The following GPATCH11 variants were observed in gnomAD, a reference collection of about 807,000 sequenced individuals.
GPATCH11 encodes the protein G-patch domain containing 11, also known as G patch domain-containing protein 11.
A neutral mutation model predicts 44.8 loss-of-function variants in GPATCH11; 32 were observed. The ratio of observed to expected loss-of-function variants is 0.71; its 90% CI spans 0.54 to 0.96. The LOEUF (loss-of-function observed/expected upper bound fraction) is 0.96. GPATCH11 is among the 40% of genes least tolerant of loss of function. The pLI, the probability that GPATCH11 is intolerant of heterozygous loss-of-function variation, is 0.00. For missense variants in GPATCH11, 324 were observed against 303.1 expected (o/e 1.07, Z -0.51); for synonymous variants, 84 against 94.4 (o/e 0.89, Z 0.64).
chr2:37,092,256 G>C lies in GPATCH11; in HGVS notation c.540+1G>C, dbSNP rs1673365136. On this transcript the variant is annotated splice_donor_variant, in intron 6 of 8. Transcript: ENST00000674370. LOFTEE classifies it high-confidence loss of function. ...CTGTCAACAACTGGATGTCCAGAAA[G>C]TAAGCCTTTTACCAGCTTTCAGTTT... The C allele has an allele frequency of 6.9e-7, 1 of 1,449,460 alleles. No homozygotes were observed. Among genetic ancestry groups the C allele is most frequent in the East Asian group, 2.5e-5 (1 of 39,312 alleles). 89.8% of individuals were successfully genotyped at this position (1,449,460 alleles called of 1,614,324 possible). A position where few individuals can be genotyped will look rare whatever the true frequency, so the allele number is the denominator to read the frequency against.
At chr2:37,088,273 G>A (rs1673139219) in intron 1 of GPATCH11, 96 bp from the exon 2 acceptor site, 1 of 521,894 alleles carries the variant, frequency 1.9e-6, no homozygotes, top group African/African-American at 1.9e-5. Context: ...TGAATATATA[G>A]TAGAGCTCTA....
In GPATCH11 at chr2:37,094,112, T is replaced by C; in HGVS notation, c.571T>C (p.Trp191Arg). 6.3e-7 allele frequency: 1 copy of C among 1,599,258 alleles called. No individual in the cohort carries two copies. The highest frequency in any genetic ancestry group is 8.5e-7 in the Non-Finnish European group (1 of 1,172,378). ...TCAGGTTCCCAGGGAAGCATGGTAC[T>C]GGTTGAGGCTTGAAGAGGAGACTGA... is the stretch of plus-strand genomic sequence containing the variant. Reference protein sequence around the residue: ...NIQVPREAWYWLRLEEETEED... With the variant: ...NIQVPREAWYRLRLEEETEED... Residue 191 changes from tryptophan (W) to arginine (R), a missense_variant, in exon 7 of 9, where the codon TGG becomes CGG. By Grantham distance (101) the Trp-to-Arg change is moderately radical (BLOSUM62 -3). Transcript: ENST00000674370.
Position 37,097,996 on chromosome 2 carries a change from ATTGT to A in GPATCH11, c.*1736_*1739del, listed in dbSNP as rs939538094. ...TATAATATTTATATGTTTGGATGCT[ATTGT>A]TTAATATTTACTTTTTTGTTTTTAA... On this transcript the variant is annotated 3_prime_UTR_variant, in exon 9 of 9. Transcript: ENST00000674370. 12 of 152,136 alleles carry A rather than the reference ATTGT, an allele frequency of 7.9e-5. No homozygotes were observed. Among genetic ancestry groups the A allele is most frequent in the South Asian group, 6.2e-4 (3 of 4,830 alleles). The allele number at this position is 152,136 out of a possible 1,614,324, so 9.4% of individuals were successfully genotyped here.
chr2:37,096,074 G>T, intron 8 of GPATCH11, 134 bp from the exon 9 acceptor site: 1 of 619,554 alleles, frequency 1.6e-6, no homozygotes, highest in Non-Finnish European at 2.8e-6. Flanking sequence ...TTTGGTTATT[G>T]TTGTTTTTAT....
At chr2:37,090,542 A>G (rs1274726815) in intron 3 of GPATCH11, 139 bp from the exon 4 acceptor site, 2 of 589,920 alleles carry the variant, frequency 3.4e-6, no homozygotes, top group South Asian at 2.0e-5. Context: ...TATAGAATAT[A>G]TATAGATGTT....
At position 37,093,831 on chromosome 2, in the gene GPATCH11, A is replaced by G. The variant is rs1046771533; in HGVS notation, c.541-251A>G. Among the ~76,000 whole-genome samples, 13 of 151,952 alleles carry G rather than the reference A, an allele frequency of 8.6e-5. 1 individual carries two copies. Among genetic ancestry groups the G allele is most frequent in the Admixed American group, 7.9e-4 (12 of 15,252 alleles). ...ACTACCACGCCCAGCTAATTTTTGTATTTTTAGTAGAGATGGGGTTTCACC... is the reference window on the plus strand; with the variant it reads ...ACTACCACGCCCAGCTAATTTTTGTGTTTTTAGTAGAGATGGGGTTTCACC... On this transcript the variant is annotated intron_variant, in intron 6 of 8. Coordinates refer to ENST00000674370, the MANE Select transcript of GPATCH11 (RefSeq NM_174931.4).
intron 8 of GPATCH11, 75 bp from the exon 9 acceptor site, chr2:37,096,133 A>G: frequency 1.1e-6 from 1 of 886,854 alleles, no homozygotes; most frequent in East Asian, 2.7e-5. Context: ...CAAAAAATGC[A>G]TGTTATGTTG....
chr2:37,088,467 A>G (rs1321685688), intron 2 of GPATCH11, 27 bp downstream of exon 2: 1 of 1,064,050 alleles, frequency 9.4e-7, no homozygotes, highest in Non-Finnish European at 1.4e-6. Flanking sequence ...ACCCAGTGCA[A>G]TGATATGTAT....
At chr2:37,085,245 T>A (rs534351810) in intron 1 of GPATCH11, among the ~76,000 whole-genome samples, 4 of 152,346 alleles carry the variant, frequency 2.6e-5, no homozygotes, top group African/African-American at 7.2e-5. Context: ...GTAATCCTAT[T>A]TGCAAGGCAC....
At chr2:37,089,079 A>G (rs1673181700) in intron 2 of GPATCH11, among the ~76,000 whole-genome samples, 1 of 152,172 alleles carries the variant, frequency 6.6e-6, no homozygotes, top group African/African-American at 2.4e-5. Flanking sequence ...TAGTAAGTCT[A>G]AACTTACTAT....
intron 3 of GPATCH11, 50 bp downstream of exon 3, chr2:37,089,916 C>T: frequency 7.7e-7 from 1 of 1,291,694 alleles, no homozygotes; most frequent in Non-Finnish European, 1.1e-6. Context: ...CTAATTGTGA[C>T]TTATGGATAA....
chr2:37,088,881 C>T (rs1351991621), intron 2 of GPATCH11, among the ~76,000 whole-genome samples: 1 of 152,174 alleles, frequency 6.6e-6, no homozygotes, highest in Non-Finnish European at 1.5e-5. Context: ...GGAAATACCT[C>T]CTATGTCACC....
chr2:37,086,293 T>C lies in GPATCH11; in HGVS notation c.-14+1723T>C, dbSNP rs1427066703. On this transcript the variant is annotated intron_variant, in intron 1 of 8. Coordinates refer to ENST00000674370, the MANE Select transcript of GPATCH11 (RefSeq NM_174931.4). The stretch of plus-strand genomic sequence containing the variant: ...TTGTTTTATGTGTTTTCTGTACGTA[T>C]TTAAAAAGTGTTTAAAAATGACTTG... 2.0e-5 allele frequency among the ~76,000 whole-genome samples: 3 copies of C among 152,242 alleles called. No homozygotes were observed. In the South Asian group the frequency reaches 6.2e-4, roughly 31 times the overall value.
At chr2:37,092,298 A>T in intron 6 of GPATCH11, 43 bp downstream of exon 6, 1 of 839,866 alleles carries the variant, frequency 1.2e-6, no homozygotes, top group Non-Finnish European at 1.6e-6. Flanking sequence ...GTGTTTTGGC[A>T]CCCCCTGTGA....
At chr2:37,089,968 A>G (rs907939458) in intron 3 of GPATCH11, 102 bp downstream of exon 3, 19 of 824,824 alleles carry the variant, frequency 2.3e-5, no homozygotes, top group Middle Eastern at 3.6e-4. Flanking sequence ...CACAGAAATT[A>G]TAACAACTTA....
At chr2:37,091,419 G>A (rs925947333) in intron 4 of GPATCH11, among the ~76,000 whole-genome samples, 1 of 151,846 alleles carries the variant, frequency 6.6e-6, no homozygotes, top group Middle Eastern at 3.2e-3. Flanking sequence ...AATTAACCGG[G>A]TGTAGTGGCA....
At chr2:37,084,853 C>T (rs1243789967) in intron 1 of GPATCH11, among the ~76,000 whole-genome samples, 1 of 152,072 alleles carries the variant, frequency 6.6e-6, no homozygotes, top group Admixed American at 6.6e-5. Flanking sequence ...CCCGACTACG[C>T]CCCCTAAAAA....
intron 7 of GPATCH11, 152 bp downstream of exon 7, chr2:37,094,347 A>G: frequency 3.6e-6 from 2 of 557,720 alleles, no homozygotes; most frequent in Non-Finnish European, 6.5e-6. Flanking sequence ...TACCAGTTGC[A>G]CTTTTGCTTA....
At chr2:37,089,343 G>T (rs779603647) in intron 2 of GPATCH11, among the ~76,000 whole-genome samples, 1 of 152,176 alleles carries the variant, frequency 6.6e-6, no homozygotes, top group Admixed American at 6.5e-5. Flanking sequence ...GAGGCGGGCA[G>T]ATCACCTGGA....
Sources: gnomAD v4.1 joint callset for allele counts (sites outside exome capture counted in the v4.1 genomes callset) on GRCh38, gnomAD v4.1.1 for gene constraint, MANE v1.5 for transcripts, NCBI Gene and HGNC (gene_info 2026-07-23, HGNC 2026-07-21) for gene names.